The following DLG2 variants were observed in gnomAD, a reference collection of about 807,000 sequenced individuals.
The protein encoded by DLG2 is disks large homolog 2.
DLG2 carries 45 observed loss-of-function variants against 132.5 expected under a neutral mutation model. That is an observed-to-expected ratio of 0.34 (90% CI 0.27 to 0.44). The LOEUF is 0.44. DLG2 is among the 20% of genes least tolerant of loss of function. DLG2 has a pLI of 1.00. For synonymous variants in DLG2, 424 were observed against 419.6 expected (o/e 1.01, Z -0.13); for missense variants, 1,045 against 1,196.9 (o/e 0.87, Z 1.87).
chr11:85,234,902 C>A (rs926631940), intron 4 of DLG2, among the ~76,000 whole-genome samples: 1 of 151,950 alleles, frequency 6.6e-6, no homozygotes, highest in African/African-American at 2.4e-5. Context: ...AAAATCACCA[C>A]AGACACAAAT....
intron 7 of DLG2, among the ~76,000 whole-genome samples, chr11:84,356,532 T>G (rs902915771): frequency 6.6e-6 from 1 of 152,124 alleles, no homozygotes; most frequent in Non-Finnish European, 1.5e-5. Flanking sequence ...GTAAGTTACA[T>G]AATGGCTGTG....
intron 6 of DLG2, among the ~76,000 whole-genome samples, chr11:84,730,524 A>G (rs2063032438): frequency 6.6e-6 from 1 of 152,070 alleles, no homozygotes; most frequent in Admixed American, 6.6e-5. Flanking sequence ...CTATTTTTAT[A>G]TTGTGTTGCC....
intron 11 of DLG2, among the ~76,000 whole-genome samples, chr11:83,998,588 C>T (rs1281440550): frequency 2.0e-5 from 3 of 152,142 alleles, no homozygotes; most frequent in Non-Finnish European, 4.4e-5. Flanking sequence ...CTTTAGTGGT[C>T]CACATTCCCA....
intron 6 of DLG2, among the ~76,000 whole-genome samples, chr11:84,583,266 T>C (rs2099520954): frequency 6.6e-6 from 1 of 152,176 alleles, no homozygotes; most frequent in Non-Finnish European, 1.5e-5. Context: ...TTCTTCTAAT[T>C]CCACCCACCA....
At chr11:84,633,875 G>A (rs1210180812) in intron 6 of DLG2, among the ~76,000 whole-genome samples, 4 of 152,100 alleles carry the variant, frequency 2.6e-5, no homozygotes, top group South Asian at 2.1e-4. Flanking sequence ...AACAAAGGCA[G>A]CTGTAACAAG....
intron 3 of DLG2, among the ~76,000 whole-genome samples, chr11:85,299,539 T>C (rs1186980304): frequency 1.3e-5 from 2 of 152,158 alleles, no homozygotes; most frequent in East Asian, 1.9e-4. Flanking sequence ...GCACTTTGCA[T>C]TTATCTTGTG....
chr11:83,635,435 T>C (rs1294320730), intron 18 of DLG2, among the ~76,000 whole-genome samples: 1 of 152,178 alleles, frequency 6.6e-6, no homozygotes, highest in Admixed American at 6.5e-5. Context: ...CTATGGATGT[T>C]GAAAATTTTG....
At chr11:85,134,435 A>T (rs1297975725) in intron 5 of DLG2, among the ~76,000 whole-genome samples, 4 of 145,604 alleles carry the variant, frequency 2.7e-5, no homozygotes, top group Non-Finnish European at 4.5e-5. Context: ...AGGCTGAGGC[A>T]GGAGAATGGC....
At chr11:84,145,825 A>C (rs745708060) in intron 9 of DLG2, among the ~76,000 whole-genome samples, 1 of 152,166 alleles carries the variant, frequency 6.6e-6, no homozygotes, top group Non-Finnish European at 1.5e-5. Context: ...AGCTAAATGC[A>C]TTTTGTGCCG....
intron 22 of DLG2, among the ~76,000 whole-genome samples, chr11:83,474,265 T>C (rs1426410450): frequency 6.6e-6 from 1 of 152,070 alleles, no homozygotes; most frequent in Non-Finnish European, 1.5e-5. Flanking sequence ...TACTGAAATG[T>C]ACAGAGCCTA....
chr11:84,362,998 G>A (rs1348532669), intron 7 of DLG2, among the ~76,000 whole-genome samples: 1 of 151,748 alleles, frequency 6.6e-6, no homozygotes, highest in Non-Finnish European at 1.5e-5. Flanking sequence ...ATAGCAGCAT[G>A]ATTTATAGTC....
chr11:85,620,730 A>G (rs1466071450), intron 2 of DLG2, among the ~76,000 whole-genome samples: 2 of 152,232 alleles, frequency 1.3e-5, no homozygotes, highest in African/African-American at 4.8e-5. Context: ...AGGCTGAGAG[A>G]GGTGAGGAAG....
intron 2 of DLG2, among the ~76,000 whole-genome samples, chr11:85,605,910 G>A (rs985155144): frequency 7.2e-5 from 11 of 152,100 alleles, no homozygotes; most frequent in African/African-American, 2.2e-4. Context: ...CCCGGGAGGC[G>A]GAGGTTGAAG....
Position 85,465,321 on chromosome 11 carries a change from A to C in DLG2, c.40+133336T>G, listed in dbSNP as rs578228409. The stretch of plus-strand genomic sequence containing the variant: ...GCAACTGGCTAATTTTTTTTTAATT[A>C]TACTTTAAGTTCTAGGGTACATGAG... On this transcript the variant is annotated intron_variant, in intron 3 of 27. Coordinates refer to ENST00000376104, the MANE Select transcript of DLG2 (RefSeq NM_001142699.3). Among the ~76,000 whole-genome samples the C allele has an allele frequency of 6.9e-4, 104 of 151,650 alleles. 1 individual carries two copies. The highest frequency in any genetic ancestry group is 2.3e-3 in the African/African-American group (97 of 41,332).
intron 12 of DLG2, among the ~76,000 whole-genome samples, chr11:83,972,358 T>G (rs776980481): frequency 6.6e-6 from 1 of 152,124 alleles, no homozygotes; most frequent in Non-Finnish European, 1.5e-5. Context: ...AAAAGAATAA[T>G]ACCATGAAGT....
intron 11 of DLG2, among the ~76,000 whole-genome samples, chr11:83,982,645 CTT>C (rs1393476709): frequency 2.0e-5 from 3 of 151,834 alleles, no homozygotes; most frequent in Non-Finnish European, 4.4e-5. Context: ...ATTATTGAAA[CTT>C]TTTAAAAATA....
chr11:85,101,374 A>AGGG (rs2070825913), intron 6 of DLG2, among the ~76,000 whole-genome samples: 1 of 152,162 alleles, frequency 6.6e-6, no homozygotes, highest in African/African-American at 2.4e-5. Flanking sequence ...CAATACAGTA[A>AGGG]AATCATAGAA....
At chr11:85,196,002 G>C (rs186932493) in intron 4 of DLG2, among the ~76,000 whole-genome samples, 2 of 152,186 alleles carry the variant, frequency 1.3e-5, no homozygotes, top group Admixed American at 1.3e-4. Context: ...TTTTGTGGTA[G>C]AACTTTCTTT....
chr11:83,749,167 G>T (rs1323337146), intron 18 of DLG2, among the ~76,000 whole-genome samples: 1 of 152,180 alleles, frequency 6.6e-6, no homozygotes, highest in East Asian at 1.9e-4. Flanking sequence ...CAACACAGAT[G>T]AGAGATGGCA....
Sources: gnomAD v4.1 joint callset for allele counts (sites outside exome capture counted in the v4.1 genomes callset) on GRCh38, gnomAD v4.1.1 for gene constraint, MANE v1.5 for transcripts, NCBI Gene and HGNC (gene_info 2026-07-23, HGNC 2026-07-21) for gene names.